The following CDK17 variants were observed in gnomAD, a reference collection of about 807,000 sequenced individuals.
CDK17 encodes the protein cyclin-dependent kinase 17.
CDK17 carries 24 observed loss-of-function variants against 77.6 expected under a neutral mutation model. That is an observed-to-expected ratio of 0.31 (90% CI 0.22 to 0.44). The LOEUF (loss-of-function observed/expected upper bound fraction) is 0.44. Among genes scored for constraint, CDK17 ranks in the 20% least tolerant of loss-of-function variants. The pLI is 1.00. For missense variants in CDK17, 429 were observed against 622.5 expected (o/e 0.69, Z 3.31); for synonymous variants, 203 against 210.4 (o/e 0.96, Z 0.30).
chr12:96,391,168 T>C (rs1297965123), intron 1 of CDK17, among the ~76,000 whole-genome samples: 1 of 152,134 alleles, frequency 6.6e-6, no homozygotes, highest in African/African-American at 2.4e-5. Context: ...AAATGCACTG[T>C]TTGATCCTTT....
At chr12:96,378,246 A>T (rs1348093199) in intron 1 of CDK17, among the ~76,000 whole-genome samples, 1 of 152,052 alleles carries the variant, frequency 6.6e-6, no homozygotes, top group Non-Finnish European at 1.5e-5. Flanking sequence ...TTAGTCAGTC[A>T]TTTACTTCTA....
chr12:96,320,329 C>T (rs1201635713), intron 3 of CDK17, among the ~76,000 whole-genome samples: 1 of 144,418 alleles, frequency 6.9e-6, no homozygotes, highest in Non-Finnish European at 1.5e-5. Flanking sequence ...AATGGAAGAA[C>T]ATTCCATGCT....
chr12:96,389,866 T>C (rs1394814212), intron 1 of CDK17, among the ~76,000 whole-genome samples: 4 of 151,378 alleles, frequency 2.6e-5, no homozygotes, highest in African/African-American at 7.3e-5. Flanking sequence ...AGTCTCACTC[T>C]GTCACCAGGC....
intron 1 of CDK17, among the ~76,000 whole-genome samples, chr12:96,397,322 T>C (rs1253114280): frequency 1.3e-5 from 2 of 152,164 alleles, no homozygotes; most frequent in Non-Finnish European, 2.9e-5. Context: ...CAATGACTTA[T>C]TAGAGACTAC....
intron 7 of CDK17, 67 bp from the exon 8 acceptor site, chr12:96,297,788 A>C: frequency 4.9e-6 from 4 of 824,316 alleles, no homozygotes; most frequent in South Asian, 1.5e-5. Context: ...AGTAAGTTGA[A>C]CATACGAACT....
chr12:96,298,653 C>G (rs572901660), intron 7 of CDK17, among the ~76,000 whole-genome samples: 54 of 152,186 alleles, frequency 3.5e-4, no homozygotes, highest in African/African-American at 1.2e-3. Flanking sequence ...AAATAGTTGT[C>G]TATGATAGTG....
At chr12:96,316,006 G>A (rs927173889) in intron 3 of CDK17, among the ~76,000 whole-genome samples, 8 of 152,284 alleles carry the variant, frequency 5.3e-5, no homozygotes, top group Non-Finnish European at 7.4e-5. Context: ...CGTGAGCGAC[G>A]CAGAAGACGG....
chr12:96,339,550 A>G (rs1419237494), intron 1 of CDK17, among the ~76,000 whole-genome samples: 1 of 151,744 alleles, frequency 6.6e-6, no homozygotes, highest in Non-Finnish European at 1.5e-5. Flanking sequence ...CAACTTTTTT[A>G]AAAATTAAAA....
At chr12:96,316,105 T>C (rs1469496382) in intron 3 of CDK17, among the ~76,000 whole-genome samples, 1 of 152,114 alleles carries the variant, frequency 6.6e-6, no homozygotes, top group East Asian at 1.9e-4. Flanking sequence ...GTGCGCACCG[T>C]GCACTAGCCG....
chr12:96,345,248 T>C (rs1246067052), intron 1 of CDK17, among the ~76,000 whole-genome samples: 2 of 152,236 alleles, frequency 1.3e-5, no homozygotes, highest in African/African-American at 2.4e-5. Context: ...TTTGGGTTGA[T>C]TCCATGTCTT....
intron 3 of CDK17, among the ~76,000 whole-genome samples, chr12:96,321,972 T>A (rs530640245): frequency 4.6e-5 from 7 of 151,458 alleles, no homozygotes; most frequent in African/African-American, 1.2e-4. Context: ...AAAAAAAAAA[T>A]TCACACTTAA....
intron 1 of CDK17, among the ~76,000 whole-genome samples, chr12:96,341,025 T>C (rs887311844): frequency 3.9e-5 from 6 of 152,148 alleles, no homozygotes; most frequent in Admixed American, 1.3e-4. Flanking sequence ...CCGGTGTCTG[T>C]TGATCCCCTC....
At chr12:96,329,068 C>T (rs952700243) in intron 2 of CDK17, among the ~76,000 whole-genome samples, 3 of 152,040 alleles carry the variant, frequency 2.0e-5, no homozygotes, top group Non-Finnish European at 4.4e-5. Flanking sequence ...TTATATGGTT[C>T]CACTCATATG....
chr12:96,304,304 C>A (rs796373009), intron 5 of CDK17, among the ~76,000 whole-genome samples: 1 of 152,044 alleles, frequency 6.6e-6, no homozygotes, highest in Non-Finnish European at 1.5e-5. Context: ...TTTCGGAGGC[C>A]GAGAAGGGCG....
rs746292723 is a variant in CDK17, at chr12:96,298,911, A to G, written c.673T>C (p.Leu225=). 19 of 1,610,826 alleles carry G rather than the reference A, an allele frequency of 1.2e-5. No individual in the cohort carries two copies. Among genetic ancestry groups the G allele is most frequent in the East Asian group, 2.2e-5 (1 of 44,790 alleles). The part of the protein sequence containing the change: ...ENLVALKEIR[L]EHEEGAPCTA... ...CAGGGTGCACCTTCTTCATGTTCCA[A>G]TCGGATCTCTTTTAATGCCACCAAA... The change falls in exon 7 of 17, where the codon TTG becomes CTG. Residue 225 remains leucine (L), a synonymous_variant. Coordinates refer to ENST00000261211, the MANE Select transcript of CDK17 (RefSeq NM_002595.5).
intron 2 of CDK17, among the ~76,000 whole-genome samples, chr12:96,327,543 A>G (rs930230308): frequency 6.6e-6 from 1 of 152,040 alleles, no homozygotes; most frequent in Admixed American, 6.6e-5. Flanking sequence ...CATCTATTCA[A>G]ATATTTTTTT....
In CDK17 at chr12:96,393,558, C is replaced by T. The variant is rs376954671; in HGVS notation, c.-30+6428G>A. Among the ~76,000 whole-genome samples the T allele has an allele frequency of 1.1e-3, 171 of 151,686 alleles. 3 individuals carry two copies. The highest frequency in any genetic ancestry group is 4.0e-3 in the African/African-American group (167 of 41,334). The stretch of plus-strand genomic sequence containing the variant: ...GAACAGCTTGGGCAATATGGCAAAA[C>T]CCCATCTCTACTAAAAACACAAAAC... On this transcript the variant is annotated intron_variant, in intron 1 of 16. Coordinates refer to ENST00000261211, the MANE Select transcript of CDK17 (RefSeq NM_002595.5).
chr12:96,294,268 TTTTCCC>T (rs1952367301), intron 10 of CDK17, among the ~76,000 whole-genome samples: 1 of 152,170 alleles, frequency 6.6e-6, no homozygotes, highest in African/African-American at 2.4e-5. Context: ...TAACTGACAG[TTTTCCC>T]TTTACGTAAG....
Position 96,313,404 on chromosome 12 carries a change from C to A in CDK17, c.334G>T (p.Ala112Ser). ...KMGSDGESDQ[A>S]SGTSSDEVQS... is the part of the protein sequence containing the mutation. ...ACTTCATCAGATGATGTCCCAGAAG[C>A]TTGGTCACTCTCACCATCTGATCCC... The change falls in exon 4 of 17, where the codon GCT becomes TCT. Residue 112 changes from alanine (A) to serine (S), a missense_variant. Coordinates refer to ENST00000261211, the MANE Select transcript of CDK17 (RefSeq NM_002595.5). 1 of 1,594,446 alleles carries A rather than the reference C, an allele frequency of 6.3e-7. No individual in the cohort carries two copies. Among genetic ancestry groups the A allele is most frequent in the South Asian group, 1.1e-5 (1 of 87,604 alleles).
Sources: gnomAD v4.1 joint callset for allele counts (sites outside exome capture counted in the v4.1 genomes callset) on GRCh38, gnomAD v4.1.1 for gene constraint, MANE v1.5 for transcripts, NCBI Gene and HGNC (gene_info 2026-07-23, HGNC 2026-07-21) for gene names.